EIF3H: variants seen among roughly 807,000 people sequenced by gnomAD.
EIF3H encodes eIF-3-gamma.
A neutral mutation model predicts 44.2 loss-of-function variants in EIF3H; 26 were observed. The observed-to-expected ratio is 0.59, with a 90% CI of 0.43 to 0.82. The LOEUF (loss-of-function observed/expected upper bound fraction) is 0.82, where lower values mean the gene tolerates loss of function less well. Among genes scored for constraint, EIF3H ranks in the 40% least tolerant of loss-of-function variants. The probability of loss-of-function intolerance (pLI) is 0.00; values close to 1 mark genes in which losing one functional copy is unlikely to be tolerated. For missense variants in EIF3H, 359 were observed against 432.8 expected (o/e 0.83, Z 1.51); for synonymous variants, 166 against 151.9 (o/e 1.09, Z -0.68).
At chr8:116,675,074 A>G (rs1813823674) in intron 2 of EIF3H, among the ~76,000 whole-genome samples, 1 of 151,026 alleles carries the variant, frequency 6.6e-6, no homozygotes, top group African/African-American at 2.5e-5. Context: ...CTCATTTCAC[A>G]TCTATCCTCA....
chr8:116,738,893 A>C (rs962728767), intron 1 of EIF3H, among the ~76,000 whole-genome samples: 2 of 152,236 alleles, frequency 1.3e-5, no homozygotes, highest in African/African-American at 4.8e-5. Flanking sequence ...AGTAAATCTA[A>C]TGTAATGGTA....
intron 1 of EIF3H, among the ~76,000 whole-genome samples, chr8:116,750,006 G>C (rs1361580139): frequency 1.3e-5 from 2 of 152,296 alleles, no homozygotes; most frequent in African/African-American, 2.4e-5. Flanking sequence ...CTAAACATAG[G>C]ATGAGATTAA....
chr8:116,753,906 T>C (rs1009443191), intron 1 of EIF3H, among the ~76,000 whole-genome samples: 15 of 152,318 alleles, frequency 9.8e-5, no homozygotes, highest in African/African-American at 2.9e-4. Flanking sequence ...TGTTGTGACA[T>C]AGCAAATTTA....
intron 2 of EIF3H, among the ~76,000 whole-genome samples, chr8:116,692,483 A>G (rs988262540): frequency 6.6e-6 from 1 of 152,236 alleles, no homozygotes; most frequent in African/African-American, 2.4e-5. Context: ...CTAGCTTATT[A>G]ACTCTGAATA....
At chr8:116,656,610 A>G (rs971095675) in intron 4 of EIF3H, among the ~76,000 whole-genome samples, 27 of 152,238 alleles carry the variant, frequency 1.8e-4, no homozygotes, top group Admixed American at 1.3e-4. Context: ...ACCGTCCTAC[A>G]TGAAGTCAAA....
chr8:116,657,325 G>T lies in EIF3H; in HGVS notation c.458-11C>A, dbSNP rs756284624. ...CAGTTTTTATGGGATCTCAAACAAG[G>T]AAAGAGAAATAAATTACTAAGAATT... On this transcript the variant is annotated splice_polypyrimidine_tract_variant and intron_variant, in intron 3 of 7. Transcript: ENST00000521861. The T allele has an allele frequency of 2.5e-6, 4 of 1,597,944 alleles. No homozygotes were observed. The South Asian group carries it at 4.4e-5, about 18-fold the overall frequency.
At chr8:116,665,982 C>T (rs1242212706) in intron 2 of EIF3H, among the ~76,000 whole-genome samples, 1 of 152,110 alleles carries the variant, frequency 6.6e-6, no homozygotes, top group African/African-American at 2.4e-5. Context: ...CAATCTGTAC[C>T]ACATATTCCT....
At chr8:116,657,181 C>T (rs749817348) in intron 4 of EIF3H, 34 bp downstream of exon 4, 12 of 1,546,314 alleles carry the variant, frequency 7.8e-6, no homozygotes, top group South Asian at 1.1e-5. Context: ...CAGAAAAATA[C>T]CCAACCCTTT....
chr8:116,750,113 T>C (rs1209915038), intron 1 of EIF3H, among the ~76,000 whole-genome samples: 1 of 152,296 alleles, frequency 6.6e-6, no homozygotes, highest in Non-Finnish European at 1.5e-5. Context: ...TTATATAGGT[T>C]ACTGCAATAT....
At chr8:116,658,641 CAGAA>C (rs1393788110) in intron 3 of EIF3H, 168 bp downstream of exon 3, 2 of 554,250 alleles carry the variant, frequency 3.6e-6, no homozygotes, top group East Asian at 6.4e-5. Flanking sequence ...GAAAAATAAA[CAGAA>C]AGAAGGAAAC....
chr8:116,744,809 C>A (rs185154824), intron 1 of EIF3H, among the ~76,000 whole-genome samples: 2 of 152,216 alleles, frequency 1.3e-5, no homozygotes, highest in Non-Finnish European at 2.9e-5. Context: ...AAATTAGGAG[C>A]TTTTATCTAA....
chr8:116,739,369 G>A (rs983632638), intron 1 of EIF3H, among the ~76,000 whole-genome samples: 8 of 152,202 alleles, frequency 5.3e-5, no homozygotes, highest in African/African-American at 1.7e-4. Context: ...AATATGTGGC[G>A]GCCGGGCGCC....
At chr8:116,689,091 C>T (rs752088447) in intron 2 of EIF3H, 15 of 448,984 alleles carry the variant, frequency 3.3e-5, no homozygotes, top group South Asian at 2.4e-4. Flanking sequence ...GAATACTACT[C>T]AGCAATAACA....
At chr8:116,723,693 T>G (rs573914862) in intron 2 of EIF3H, among the ~76,000 whole-genome samples, 1 of 152,050 alleles carries the variant, frequency 6.6e-6, no homozygotes, top group Non-Finnish European at 1.5e-5. Flanking sequence ...AAAAGTCATA[T>G]CAAAAATGAC....
At chr8:116,762,590 C>T (rs1563666034) in intron 1 of EIF3H, among the ~76,000 whole-genome samples, 1 of 152,214 alleles carries the variant, frequency 6.6e-6, no homozygotes. Flanking sequence ...CTTACACTTA[C>T]ATATCTTTGG....
chr8:116,716,879 C>G (rs532002568), intron 2 of EIF3H, among the ~76,000 whole-genome samples: 8 of 152,032 alleles, frequency 5.3e-5, no homozygotes, highest in African/African-American at 1.9e-4. Flanking sequence ...ACATGAGGCA[C>G]CAAAACAAAC....
rs1001687072 is a variant in EIF3H, at chr8:116,643,187, C to T, written c.*1819G>A. 6.6e-6 allele frequency: 1 copy of T among 152,190 alleles called. No individual in the cohort carries two copies. Among genetic ancestry groups the T allele is most frequent in the African/African-American group, 2.4e-5 (1 of 41,440 alleles). The allele number at this position is 152,190 out of a possible 1,614,324, so 9.4% of individuals were successfully genotyped here. Reference sequence around the variant, plus strand: ...AGGGCAGGGGCCATGGCCAGTTTTACCTGTTAATATATCCCTTCTGTCTAA... The same window carrying T: ...AGGGCAGGGGCCATGGCCAGTTTTATCTGTTAATATATCCCTTCTGTCTAA... On this transcript the variant is annotated 3_prime_UTR_variant, in exon 8 of 8. Coordinates refer to ENST00000521861, the MANE Select transcript of EIF3H (RefSeq NM_003756.3).
chr8:116,658,720 C>A lies in EIF3H; in HGVS notation c.457+93G>T, dbSNP rs546681214. 60 of 1,303,362 alleles carry A rather than the reference C, an allele frequency of 4.6e-5. No individual in the cohort carries two copies. In the African/African-American group the frequency reaches 8.0e-4, roughly 17 times the overall value. The allele number at this position is 1,303,362 out of a possible 1,614,324, so 80.7% of individuals were successfully genotyped here. A position where few individuals can be genotyped will look rare whatever the true frequency, so the allele number is the denominator to read the frequency against. On this transcript the variant is annotated intron_variant, in intron 3 of 7. Transcript: ENST00000521861. ...CAGGGTTGGTATTTACTTGAGAAGG[C>A]CTGCCAGACTGCTCTTAGAGGCAAA...
chr8:116,669,735 TA>T (rs1813723590), intron 2 of EIF3H, among the ~76,000 whole-genome samples: 1 of 152,172 alleles, frequency 6.6e-6, no homozygotes. Context: ...TCCTTAACTG[TA>T]ACCTAAAGAA....
Sources: gnomAD v4.1 joint callset for allele counts (sites outside exome capture counted in the v4.1 genomes callset) on GRCh38, gnomAD v4.1.1 for gene constraint, MANE v1.5 for transcripts, NCBI Gene and HGNC (gene_info 2026-07-23, HGNC 2026-07-21) for gene names.